The following SH3GL2 variants were observed in gnomAD, a reference collection of about 807,000 sequenced individuals.
SH3GL2 encodes endophilin-A1.
Under a neutral mutation model 46.0 loss-of-function variants are expected in SH3GL2, and 24 were observed. The ratio of observed to expected loss-of-function variants is 0.52; its 90% confidence interval spans 0.38 to 0.73. SH3GL2 has a LOEUF of 0.73. SH3GL2 is among the 30% of genes least tolerant of loss of function. SH3GL2 has a pLI of 0.00. For missense variants in SH3GL2, 413 were observed against 424.2 expected (o/e 0.97, Z 0.23); for synonymous variants, 196 against 147.1 (o/e 1.33, Z -2.40).
At chr9:17,642,740 G>C (rs1282075974) in intron 1 of SH3GL2, among the ~76,000 whole-genome samples, 5 of 152,308 alleles carry the variant, frequency 3.3e-5, no homozygotes, top group African/African-American at 4.8e-5. Context: ...GTACCATACT[G>C]TTTTGGTTAC....
intron 1 of SH3GL2, among the ~76,000 whole-genome samples, chr9:17,736,884 TG>T (rs1822352539): frequency 1.3e-5 from 2 of 152,054 alleles, no homozygotes; most frequent in Non-Finnish European, 2.9e-5. Flanking sequence ...AGGGAAATAT[TG>T]TACACAAAAA....
intron 1 of SH3GL2, among the ~76,000 whole-genome samples, chr9:17,579,533 A>G (rs1421744138): frequency 6.6e-6 from 1 of 151,950 alleles, no homozygotes; most frequent in African/African-American, 2.4e-5. Flanking sequence ...CCTGCCTGGT[A>G]GCGCTGCTCG....
chr9:17,713,132 G>A (rs6475167), intron 1 of SH3GL2, among the ~76,000 whole-genome samples: 150,037 of 151,174 alleles, frequency 0.99, 74,456 homozygotes, highest in Middle Eastern at 1. Flanking sequence ...TGAGATGATG[G>A]TGTAGTTTTC....
At chr9:17,734,282 G>C (rs1006707555) in intron 1 of SH3GL2, among the ~76,000 whole-genome samples, 2 of 152,078 alleles carry the variant, frequency 1.3e-5, no homozygotes, top group African/African-American at 4.8e-5. Context: ...CATTTTGGAA[G>C]TTTACAGTCA....
intron 1 of SH3GL2, among the ~76,000 whole-genome samples, chr9:17,740,691 T>C (rs1375849786): frequency 6.6e-6 from 1 of 152,152 alleles, no homozygotes; most frequent in African/African-American, 2.4e-5. Flanking sequence ...TGCACTTAAA[T>C]TACATTTAGA....
At chr9:17,661,103 A>C (rs1216871282) in intron 1 of SH3GL2, among the ~76,000 whole-genome samples, 1 of 152,216 alleles carries the variant, frequency 6.6e-6, no homozygotes, top group Non-Finnish European at 1.5e-5. Context: ...CAGAGGTTGC[A>C]GTGAGCCGAG....
At chr9:17,759,508 A>G (rs375342197) in intron 2 of SH3GL2, among the ~76,000 whole-genome samples, 1 of 152,214 alleles carries the variant, frequency 6.6e-6, no homozygotes, top group African/African-American at 2.4e-5. Context: ...ATGGTCATTA[A>G]GAACACACAC....
At chr9:17,675,540 G>T (rs997231298) in intron 1 of SH3GL2, among the ~76,000 whole-genome samples, 7 of 152,156 alleles carry the variant, frequency 4.6e-5, no homozygotes, top group Non-Finnish European at 8.8e-5. Context: ...TTTTTCCCTA[G>T]AACTTCAAAA....
At chr9:17,669,190 A>C (rs1404691581) in intron 1 of SH3GL2, among the ~76,000 whole-genome samples, 1 of 152,178 alleles carries the variant, frequency 6.6e-6, no homozygotes, top group Non-Finnish European at 1.5e-5. Flanking sequence ...AGTTTTCCCC[A>C]GTGGTAACAT....
intron 1 of SH3GL2, chr9:17,589,100 T>C (rs1818431721): frequency 6.6e-6 from 1 of 152,360 alleles, no homozygotes; most frequent in East Asian, 1.9e-4. Flanking sequence ...CATATGTACA[T>C]ACACAACATA....
intron 1 of SH3GL2, among the ~76,000 whole-genome samples, chr9:17,666,435 C>A (rs1248958147): frequency 6.6e-6 from 1 of 151,930 alleles, no homozygotes; most frequent in Non-Finnish European, 1.5e-5. Context: ...TTCCTGTTAC[C>A]TATAGGTAAC....
At chr9:17,687,154 A>T (rs972844884) in intron 1 of SH3GL2, among the ~76,000 whole-genome samples, 1 of 152,154 alleles carries the variant, frequency 6.6e-6, no homozygotes, top group Non-Finnish European at 1.5e-5. Context: ...GCTCTCTCAC[A>T]TTAAGTGTAT....
intron 1 of SH3GL2, among the ~76,000 whole-genome samples, chr9:17,586,374 A>G (rs1045135320): frequency 2.6e-5 from 4 of 152,124 alleles, no homozygotes; most frequent in Non-Finnish European, 5.9e-5. Context: ...CTTTTTTTGA[A>G]TTATGATATA....
intron 1 of SH3GL2, among the ~76,000 whole-genome samples, chr9:17,660,039 A>T (rs530775867): frequency 6.6e-6 from 1 of 152,186 alleles, no homozygotes; most frequent in South Asian, 2.1e-4. Flanking sequence ...TCTACCACCT[A>T]TTGGGCTATG....
rs758685786 is a variant in SH3GL2, at chr9:17,795,694, G to A, written c.1010G>A (p.Gly337Asp). The change falls in exon 9 of 9, where the codon GGC becomes GAC. Residue 337 changes from glycine (G) to aspartate (D), a missense_variant. This residue lies in a region of SH3GL2 where 248 missense variants were observed against 215.0 expected (regional missense o/e 1.15). Transcript: ENST00000380607. Reference sequence around the variant, plus strand: ...GAGGGGATGCTGCATGGCCATTCAGGCTTCTTCCCCATCAATTATGTGGAA... The same window carrying A: ...GAGGGGATGCTGCATGGCCATTCAGACTTCTTCCCCATCAATTATGTGGAA... ...WYEGMLHGHS[G>D]FFPINYVEIL... is the part of the protein sequence containing the mutation. The A allele has an allele frequency of 1.2e-6, 2 of 1,613,866 alleles. No homozygotes were observed. Among genetic ancestry groups the A allele is most frequent in the Non-Finnish European group, 1.7e-6 (2 of 1,179,932 alleles).
At chr9:17,729,364 C>T (rs1822111891) in intron 1 of SH3GL2, among the ~76,000 whole-genome samples, 1 of 152,004 alleles carries the variant, frequency 6.6e-6, no homozygotes, top group Non-Finnish European at 1.5e-5. Context: ...TGGATATTAG[C>T]CCTTTGTCAG....
At chr9:17,586,284 A>T (rs905681848) in intron 1 of SH3GL2, among the ~76,000 whole-genome samples, 1 of 152,106 alleles carries the variant, frequency 6.6e-6, no homozygotes, top group Admixed American at 6.6e-5. Context: ...TGTCTGTAAT[A>T]CTCGTGAAGA....
At chr9:17,720,678 T>C (rs1181244745) in intron 1 of SH3GL2, among the ~76,000 whole-genome samples, 1 of 152,082 alleles carries the variant, frequency 6.6e-6, no homozygotes, top group Non-Finnish European at 1.5e-5. Flanking sequence ...AGTTTTAGGC[T>C]AAGCTCAATT....
intron 2 of SH3GL2, among the ~76,000 whole-genome samples, chr9:17,751,625 A>G (rs1822850535): frequency 6.6e-6 from 1 of 152,134 alleles, no homozygotes; most frequent in Non-Finnish European, 1.5e-5. Flanking sequence ...TGTGAGGCAC[A>G]CCAGTCATCT....
Sources: allele counts gnomAD v4.1 joint callset (sites outside exome capture counted in the v4.1 genomes callset), GRCh38; gene constraint gnomAD v4.1.1; regional missense constraint gnomAD v4.1.1; transcripts MANE v1.5; gene names NCBI Gene and HGNC (gene_info 2026-07-23, HGNC 2026-07-21).